The following TEX22 variants were observed in gnomAD, a reference collection of about 807,000 sequenced individuals.
The protein encoded by TEX22 is testis-expressed protein 22.
Under a neutral mutation model 11.3 loss-of-function variants are expected in TEX22, and 16 were observed. The ratio of observed to expected loss-of-function variants is 1.42; its 90% CI spans 0.96 to 2.15. The LOEUF (loss-of-function observed/expected upper bound fraction) is 2.15, where lower values mean the gene tolerates loss of function less well. Among genes scored for constraint, TEX22 ranks in the 30% most tolerant of loss-of-function variants. TEX22 has a pLI of 0.00. For missense variants in TEX22, 220 were observed against 208.6 expected, an observed-to-expected ratio of 1.05 and a Z score of -0.34; for synonymous variants, 97 against 92.3, an observed-to-expected ratio of 1.05 and a Z score of -0.29.
chr14:105,402,486 G>C (rs1032640583), intron 2 of TEX22, among the ~76,000 whole-genome samples: 1 of 152,106 alleles, frequency 6.6e-6, no homozygotes, highest in African/African-American at 2.4e-5. Context: ...CGGGTGTGGT[G>C]GCTCACGCCT....
chr14:105,404,363 AAGTC>A (rs1295735872), intron 2 of TEX22, among the ~76,000 whole-genome samples: 26 of 152,296 alleles, frequency 1.7e-4, no homozygotes, highest in Admixed American at 1.4e-3. Context: ...TTAACCTTGG[AAGTC>A]ACACTCCTCT....
At chr14:105,407,987 G>A (rs1555418990) in intron 2 of TEX22, among the ~76,000 whole-genome samples, 1 of 152,136 alleles carries the variant, frequency 6.6e-6, no homozygotes, top group African/African-American at 2.4e-5. Flanking sequence ...GCCAATTCAT[G>A]TGCATGTTGA....
At chr14:105,399,241 TTGG>T (rs2081608709) in intron 1 of TEX22, 58 bp from the exon 2 acceptor site, 3 of 988,920 alleles carry the variant, frequency 3.0e-6, no homozygotes, top group Non-Finnish European at 2.9e-6. Flanking sequence ...GACTCAGGTA[TTGG>T]TGGGCACGTG....
In TEX22 at chr14:105,413,646, T is replaced by C. The variant is rs1260837676; in HGVS notation, c.*1813T>C. ...CATGGTGGCAGCAGAGACAAAACCC[T>C]GGCCTCCTTCAGGCTGAGGCCCAGA... On this transcript the variant is annotated 3_prime_UTR_variant, in exon 4 of 4. Coordinates refer to ENST00000451127, the MANE Select transcript of TEX22 (RefSeq NM_001195082.2). The surrounding 1 kb of genome is among the most constrained non-coding windows in gnomAD (Gnocchi z 4.2). 6.6e-6 allele frequency: 1 copy of C among 152,306 alleles called. No individual in the cohort carries two copies. Among genetic ancestry groups the C allele is most frequent in the East Asian group, 1.9e-4 (1 of 5,188 alleles). 9.4% of individuals were successfully genotyped at this position (152,306 alleles called of 1,614,324 possible). A position where few individuals can be genotyped will look rare whatever the true frequency, so the allele number is the denominator to read the frequency against.
At chr14:105,402,550 C>G (rs587639497) in intron 2 of TEX22, among the ~76,000 whole-genome samples, 18 of 151,762 alleles carry the variant, frequency 1.2e-4, no homozygotes, top group Admixed American at 4.6e-4. Flanking sequence ...GTCTGGAGAT[C>G]AAGACCATCC....
At chr14:105,406,089 C>T (rs587757145) in intron 2 of TEX22, among the ~76,000 whole-genome samples, 8 of 152,250 alleles carry the variant, frequency 5.3e-5, no homozygotes, top group Non-Finnish European at 8.8e-5. Context: ...AGTTAGAAGA[C>T]GGTAGAGTGC....
intron 2 of TEX22, among the ~76,000 whole-genome samples, chr14:105,408,946 T>TCCTCCC (rs1171657057): frequency 1.0e-5 from 1 of 100,044 alleles, no homozygotes; most frequent in African/African-American, 3.8e-5. Flanking sequence ...TGTTCCCCCC[T>TCCTCCC]CCTCCCCCTC....
chr14:105,405,599 G>A (rs2081654815), intron 2 of TEX22, among the ~76,000 whole-genome samples: 1 of 152,202 alleles, frequency 6.6e-6, no homozygotes, highest in Non-Finnish European at 1.5e-5. Flanking sequence ...GCATTTTTCT[G>A]TCAAACAGCA....
At chr14:105,403,740 A>G (rs1424412001) in intron 2 of TEX22, among the ~76,000 whole-genome samples, 1 of 152,256 alleles carries the variant, frequency 6.6e-6, no homozygotes, top group African/African-American at 2.4e-5. Context: ...CGTTTTAAAC[A>G]TGCCAAGCTT....
intron 2 of TEX22, among the ~76,000 whole-genome samples, chr14:105,407,069 ATTTT>A (rs10715186): frequency 4.3e-5 from 5 of 116,166 alleles, no homozygotes; most frequent in Non-Finnish European, 3.8e-5. Context: ...TAATTTCTTA[ATTTT>A]TTTTTTTTTT....
chr14:105,409,201 C>A (rs1462989983), intron 2 of TEX22, among the ~76,000 whole-genome samples: 4 of 152,024 alleles, frequency 2.6e-5, no homozygotes, highest in African/African-American at 7.3e-5. Flanking sequence ...CCGCCTGCCT[C>A]CTGTCTACAG....
intron 2 of TEX22, among the ~76,000 whole-genome samples, chr14:105,401,674 G>T (rs112278310): frequency 0.13 from 19,479 of 151,444 alleles, 4,265 homozygotes; most frequent in African/African-American, 0.45. Flanking sequence ...ATGGCACATG[G>T]ATACATATGT....
intron 1 of TEX22, among the ~76,000 whole-genome samples, chr14:105,398,913 C>T (rs1449614017): frequency 6.6e-6 from 1 of 152,256 alleles, no homozygotes; most frequent in African/African-American, 2.4e-5. Context: ...GGCAAGAGCT[C>T]TGGGCCTTTC....
intron 2 of TEX22, among the ~76,000 whole-genome samples, chr14:105,410,241 C>T (rs2081681962): frequency 6.6e-6 from 1 of 152,106 alleles, no homozygotes. Context: ...CCACGCCTGG[C>T]TAATTTTGTA....
intron 2 of TEX22, among the ~76,000 whole-genome samples, chr14:105,402,924 G>A (rs34049223): frequency 1.7e-3 from 262 of 152,272 alleles, no homozygotes; most frequent in Middle Eastern, 0.014. Flanking sequence ...TCACCAGGCT[G>A]GAGTACAGTG....
intron 2 of TEX22, among the ~76,000 whole-genome samples, chr14:105,402,487 G>T (rs142635727): frequency 2.6e-5 from 4 of 152,248 alleles, no homozygotes; most frequent in East Asian, 1.9e-4. Flanking sequence ...GGGTGTGGTG[G>T]CTCACGCCTG....
chr14:105,411,770 G>A lies in TEX22; in HGVS notation c.390G>A (p.Leu130=), dbSNP rs1283452321. The A allele has an allele frequency of 6.6e-7, 1 of 1,506,972 alleles. No individual in the cohort carries two copies. Among genetic ancestry groups the A allele is most frequent in the African/African-American group, 1.4e-5 (1 of 70,196 alleles). 93.4% of individuals were successfully genotyped at this position (1,506,972 alleles called of 1,614,324 possible). ...CCACCAACGCCTTCCAGGCCTTCCT[G>A]GCGCGCAGTGCGCCTTTCTGGCATA... ...TESTNAFQAF[L]ARSAPFWHNA... is the part of the protein sequence containing the mutation. The change falls in exon 4 of 4, where the codon CTG becomes CTA. Residue 130 remains leucine, a synonymous_variant. Transcript: ENST00000451127.
chr14:105,402,755 CAAAAA>C (rs1195065703), intron 2 of TEX22, among the ~76,000 whole-genome samples: 1 of 68,390 alleles, frequency 1.5e-5, no homozygotes, highest in Admixed American at 1.7e-4. Flanking sequence ...GACTCCGTCT[CAAAAA>C]AAAAAAAAAA....
chr14:105,406,333 T>C (rs2081658367), intron 2 of TEX22, among the ~76,000 whole-genome samples: 1 of 152,234 alleles, frequency 6.6e-6, no homozygotes, highest in South Asian at 2.1e-4. Context: ...AAAATACTTG[T>C]AATATTTATA....
Sources: allele counts gnomAD v4.1 joint callset (sites outside exome capture counted in the v4.1 genomes callset), GRCh38; gene constraint gnomAD v4.1.1; non-coding constraint Gnocchi (gnomAD v3.1); transcripts MANE v1.5; gene names NCBI Gene and HGNC (gene_info 2026-07-23, HGNC 2026-07-21).